The following CABIN1 variants were observed in gnomAD, a reference collection of about 807,000 sequenced individuals.
CABIN1 encodes calcineurin-binding protein cabin-1.
CABIN1 carries 133 observed loss-of-function variants against 227.7 expected under a neutral mutation model. The observed-to-expected ratio is 0.58, with a 90% CI of 0.51 to 0.67. CABIN1 has a LOEUF of 0.67. CABIN1 is among the 30% of genes least tolerant of loss of function. The pLI is 0.00. For missense variants in CABIN1, 2,408 were observed against 2,852.5 expected, an observed-to-expected ratio of 0.84 and a Z score of 3.55; for synonymous variants, 1,086 against 1,155.1, an observed-to-expected ratio of 0.94 and a Z score of 1.21.
At position 24,043,011 on chromosome 22, in the gene CABIN1, G is replaced by T. The variant is rs1569113274; in HGVS notation, c.453G>T (p.Leu151=). ...PLARHAFEEG[L]RCNPDHWPCL... ...CTCGCCATGCTTTTGAGGAAGGGCT[G>T]CGGTGCAATCCTGACCACTGGCCCT... Residue 151 remains leucine, a synonymous_variant, in exon 6 of 37, where the codon CTG becomes CTT. Coordinates refer to ENST00000263119, the MANE Select transcript of CABIN1 (RefSeq NM_012295.4). The T allele has an allele frequency of 6.2e-7, 1 of 1,614,082 alleles. No homozygotes were observed. The highest frequency in any genetic ancestry group is 8.5e-7 in the Non-Finnish European group (1 of 1,180,010).
chr22:24,127,565 G>T (rs761530969), intron 28 of CABIN1, among the ~76,000 whole-genome samples: 12 of 152,198 alleles, frequency 7.9e-5, no homozygotes, highest in Non-Finnish European at 1.6e-4. Flanking sequence ...ATAATACTAA[G>T]TGAAATAGCC....
chr22:24,083,516 G>C (rs750003592), intron 20 of CABIN1, 127 bp downstream of exon 20: 40 of 1,013,852 alleles, frequency 3.9e-5, no homozygotes, highest in Non-Finnish European at 5.4e-5. Context: ...GAGGAGAGAA[G>C]ACGGTCTGAT....
Position 24,059,918 on chromosome 22 carries a change from G to A in CABIN1, c.1400-6G>A. 2.5e-6 allele frequency: 4 copies of A among 1,613,830 alleles called. No individual in the cohort carries two copies. Among genetic ancestry groups the A allele is most frequent in the South Asian group, 2.2e-5 (2 of 91,062 alleles). ...TCAAGTCAGGTTGTTCTTGCTCCCC[G>A]GGCAGAAAAGCAGGACGTGCATGAG... On this transcript the variant is annotated splice_polypyrimidine_tract_variant and splice_region_variant and intron_variant, in intron 11 of 36. Coordinates refer to ENST00000263119, the MANE Select transcript of CABIN1 (RefSeq NM_012295.4).
At chr22:24,052,908 T>C (rs2038462603) in intron 8 of CABIN1, among the ~76,000 whole-genome samples, 1 of 151,938 alleles carries the variant, frequency 6.6e-6, no homozygotes, top group South Asian at 2.1e-4. Flanking sequence ...GGAAATGGTG[T>C]ATTTAAGGCA....
chr22:24,119,215 C>G, intron 27 of CABIN1, 152 bp from the exon 28 acceptor site: 3 of 724,850 alleles, frequency 4.1e-6, no homozygotes, highest in Non-Finnish European at 7.3e-6. Flanking sequence ...GGCCCTGTGC[C>G]TCCTGCTGCT....
intron 26 of CABIN1, among the ~76,000 whole-genome samples, chr22:24,100,060 G>A (rs1025179924): frequency 1.3e-5 from 2 of 152,246 alleles, no homozygotes; most frequent in African/African-American, 4.8e-5. Context: ...CAACATGCTA[G>A]TTATTTGTTC....
intron 1 of CABIN1, among the ~76,000 whole-genome samples, chr22:24,012,449 T>A (rs1040104306): frequency 6.6e-6 from 1 of 152,152 alleles, no homozygotes; most frequent in Admixed American, 6.5e-5. Context: ...GGAAACAGAC[T>A]GAGAGACTGA....
intron 34 of CABIN1, among the ~76,000 whole-genome samples, chr22:24,172,278 C>T (rs768713590): frequency 2.0e-5 from 3 of 152,194 alleles, no homozygotes; most frequent in Non-Finnish European, 2.9e-5. Context: ...CCATCACGGA[C>T]GTGTTTGCTA....
intron 29 of CABIN1, among the ~76,000 whole-genome samples, chr22:24,140,698 A>C (rs950554722): frequency 6.6e-6 from 1 of 152,150 alleles, no homozygotes; most frequent in Admixed American, 6.5e-5. Flanking sequence ...TCTTGTTTCA[A>C]CCCAGTTTCC....
intron 28 of CABIN1, among the ~76,000 whole-genome samples, chr22:24,120,189 T>C (rs2043326572): frequency 6.6e-6 from 1 of 152,202 alleles, no homozygotes; most frequent in African/African-American, 2.4e-5. Flanking sequence ...CACCATACCC[T>C]GCCCCTGGGC....
chr22:24,125,166 C>T (rs547074779), intron 28 of CABIN1, among the ~76,000 whole-genome samples: 3 of 152,272 alleles, frequency 2.0e-5, no homozygotes, highest in South Asian at 2.1e-4. Flanking sequence ...TTCTTTGGCC[C>T]GGTACCTATA....
At chr22:24,063,969 A>T in intron 14 of CABIN1, 66 bp from the exon 15 acceptor site, 1 of 1,601,352 alleles carries the variant, frequency 6.2e-7, no homozygotes. Flanking sequence ...TAAGTGGTGT[A>T]AAGCATCTGG....
chr22:24,084,823 G>T, intron 21 of CABIN1, 38 bp downstream of exon 21: 1 of 1,601,374 alleles, frequency 6.2e-7, no homozygotes, highest in Non-Finnish European at 8.6e-7. Flanking sequence ...GGACAGGGCT[G>T]GGTCACACTC....
rs115983239 is a variant in CABIN1 at position 24,072,889 on chromosome 22, A to G, written c.2632+379A>G. ...AAGCCGAGGGCAGCATGGAGTGAGCACAGGTTCCACATCCCAACTGTCACT... is the reference window on the plus strand; with the variant it reads ...AAGCCGAGGGCAGCATGGAGTGAGCGCAGGTTCCACATCCCAACTGTCACT... On this transcript the variant is annotated intron_variant, in intron 18 of 36. Coordinates refer to ENST00000263119, the MANE Select transcript of CABIN1 (RefSeq NM_012295.4). 8.6e-3 allele frequency among the ~76,000 whole-genome samples: 1,303 copies of G among 152,362 alleles called. 12 individuals carry two copies. The highest frequency in any genetic ancestry group is 0.029 in the African/African-American group (1,207 of 41,584).
chr22:24,072,004 G>A (rs1417978645), intron 17 of CABIN1, among the ~76,000 whole-genome samples: 2 of 152,058 alleles, frequency 1.3e-5, no homozygotes, highest in Admixed American at 6.5e-5. Flanking sequence ...TGTTCTCATT[G>A]CAGCAGCCAT....
intron 29 of CABIN1, among the ~76,000 whole-genome samples, chr22:24,142,448 C>T (rs1340964831): frequency 1.3e-5 from 2 of 152,214 alleles, no homozygotes; most frequent in African/African-American, 4.8e-5. Context: ...CCCAGGAACC[C>T]AGCTGTGGCC....
chr22:24,146,297 T>A (rs1257438944), intron 29 of CABIN1, among the ~76,000 whole-genome samples: 1 of 152,240 alleles, frequency 6.6e-6, no homozygotes, highest in Non-Finnish European at 1.5e-5. Context: ...AGGTCCTGTT[T>A]TTAAGAGTCT....
chr22:24,092,687 A>AGTGTGTGT (rs3221282), intron 24 of CABIN1, among the ~76,000 whole-genome samples: 5,859 of 138,722 alleles, frequency 0.042, 199 homozygotes, highest in East Asian at 0.13. Context: ...TGATTATAAA[A>AGTGTGTGT]GTGTGTGTGT....
chr22:24,042,846 G>A (rs533933863), intron 5 of CABIN1, 58 bp from the exon 6 acceptor site: 1 of 807,526 alleles, frequency 1.2e-6, no homozygotes, highest in African/African-American at 1.7e-5. Flanking sequence ...GTGTGTGTGT[G>A]TGTGTGTGTG....
Sources: allele counts gnomAD v4.1 joint callset (sites outside exome capture counted in the v4.1 genomes callset), GRCh38; gene constraint gnomAD v4.1.1; transcripts MANE v1.5; gene names NCBI Gene and HGNC (gene_info 2026-07-23, HGNC 2026-07-21).